Variants in CAPRIN2 observed in about 807,000 individuals in gnomAD.
CAPRIN2 encodes caprin-2.
Under a neutral mutation model 130.4 loss-of-function variants are expected in CAPRIN2, and 66 were observed. The ratio of observed to expected loss-of-function variants is 0.51; its 90% confidence interval spans 0.42 to 0.62. The LOEUF is 0.62. CAPRIN2 is among the 20% of genes least tolerant of loss of function. The pLI is 0.00. For synonymous variants in CAPRIN2, 471 were observed against 444.1 expected (o/e 1.06, Z -0.76); for missense variants, 1,185 against 1,246.6 (o/e 0.95, Z 0.74).
intron 11 of CAPRIN2, 118 bp downstream of exon 12, chr12:30,723,141 T>TAGAA (rs1565587348): frequency 1.4e-6 from 1 of 723,508 alleles, no homozygotes; most frequent in Non-Finnish European, 2.4e-6. Flanking sequence ...TAGATATGCT[T>TAGAA]AGAACACTTT....
At chr12:30,732,381 A>G (rs1706638655) in intron 5 of CAPRIN2, among the ~76,000 whole-genome samples, 1 of 151,988 alleles carries the variant, frequency 6.6e-6, no homozygotes, top group Non-Finnish European at 1.5e-5. Context: ...GAGTACTATG[A>G]CAGATTTTGT....
chr12:30,727,447 G>A (rs1368819750), intron 8 of CAPRIN2, among the ~76,000 whole-genome samples: 1 of 152,110 alleles, frequency 6.6e-6, no homozygotes, highest in African/African-American at 2.4e-5. Context: ...TATATTAGAG[G>A]TCCAATGGTT....
At chr12:30,714,433 T>C (rs1423128123) in intron 14 of CAPRIN2, among the ~76,000 whole-genome samples, 2 of 152,206 alleles carry the variant, frequency 1.3e-5, no homozygotes, top group African/African-American at 4.8e-5. Flanking sequence ...TCCTCCTATT[T>C]TGGCATCCCA....
chr12:30,716,908 T>C (rs576282758), intron 12 of CAPRIN2, among the ~76,000 whole-genome samples: 1 of 152,300 alleles, frequency 6.6e-6, no homozygotes, highest in South Asian at 2.1e-4. Context: ...TTTATACCCA[T>C]TAGCAGGGCT....
In CAPRIN2 at chr12:30,710,327, C is replaced by T; in HGVS notation, c.2809G>A (p.Val937Ile). The stretch of plus-strand genomic sequence containing the variant: ...TGCTGAGGCAGAGGGTAGACGTGTA[C>T]TGGCAGTATGGTGGCTGCTGGATTT... The change falls in exon 17 of 17, where the codon GTA (valine) becomes ATA (isoleucine). Residue 937 changes from valine (V) to isoleucine (I), a missense_variant. By Grantham distance (29) the Val-to-Ile change is conservative (BLOSUM62 3). Transcript: ENST00000298892. This position sits in a 1 kb window ranked among gnomAD's most constrained non-coding sequence, Gnocchi z 4.8. 2 of 1,614,142 alleles carry T rather than the reference C, an allele frequency of 1.2e-6. No homozygotes were observed. Among genetic ancestry groups the T allele is most frequent in the Non-Finnish European group, 1.7e-6 (2 of 1,180,042 alleles).
At position 30,710,901 on chromosome 12, in the gene CAPRIN2, C is replaced by A. The variant is rs2054189326; in HGVS notation, c.2666-431G>T. Among the ~76,000 whole-genome samples, 1 of 152,180 alleles carries A rather than the reference C, an allele frequency of 6.6e-6. No individual in the cohort carries two copies. The highest frequency in any genetic ancestry group is 6.5e-5 in the Admixed American group (1 of 15,278). On this transcript the variant is annotated intron_variant, in intron 16 of 16. Coordinates refer to ENST00000298892, the Ensembl canonical transcript of CAPRIN2. This position sits in a 1 kb window ranked among gnomAD's most constrained non-coding sequence, Gnocchi z 4.8. ...ATTTTTAGAACTACTAGCCACTAGC[C>A]ATTCAGAGATATATTGATATGGAAC...
intron 15 of CAPRIN2, among the ~76,000 whole-genome samples, chr12:30,712,767 G>C (rs1376451095): frequency 1.7e-5 from 2 of 117,542 alleles, no homozygotes; most frequent in Non-Finnish European, 3.3e-5. Flanking sequence ...TTGAGACAGA[G>C]TCTCGCTCTT....
chr12:30,709,643 T>C (rs1292177073), exon 17 of CAPRIN2: 1 of 364,846 alleles, frequency 2.7e-6, no homozygotes, highest in African/African-American at 2.0e-5. Flanking sequence ...GTTAATACAG[T>C]TAAGGATTAA....
At chr12:30,721,373 C>T (rs1438386445) in intron 11 of CAPRIN2, among the ~76,000 whole-genome samples, 1 of 152,138 alleles carries the variant, frequency 6.6e-6, no homozygotes, top group Non-Finnish European at 1.5e-5. Flanking sequence ...TGCTTTCATG[C>T]TAAGTGCTAT....
chr12:30,723,167 G>T, intron 11 of CAPRIN2, 92 bp downstream of exon 12: 2 of 854,144 alleles, frequency 2.3e-6, no homozygotes. Flanking sequence ...ATTTCATTAG[G>T]TACATGAGAA....
chr12:30,710,240 G>A lies in CAPRIN2; in HGVS notation c.2896C>T (p.Pro966Ser). The change falls in exon 17 of 17, where the codon CCT (proline) becomes TCT (serine). Residue 966 changes from proline to serine, a missense_variant. By Grantham distance (74) the Pro-to-Ser change is moderately conservative (BLOSUM62 -1). Around this residue, in one of 2 missense-constraint regions of CAPRIN2, gnomAD observed 81 missense variants for 142.2 expected, o/e 0.57. Coordinates refer to ENST00000298892, the Ensembl canonical transcript of CAPRIN2. The surrounding 1 kb of genome is among the most constrained non-coding windows in gnomAD (Gnocchi z 4.8). ...TTCAGAAGAAGATCAAACACAATAGGTTGGTCTAAAGTTCCAGGGGCCAGA... is the reference window on the plus strand; with the variant it reads ...TTCAGAAGAAGATCAAACACAATAGATTGGTCTAAAGTTCCAGGGGCCAGA... The A allele has an allele frequency of 6.2e-7, 1 of 1,614,172 alleles. No homozygotes were observed. The highest frequency in any genetic ancestry group is 8.5e-7 in the Non-Finnish European group (1 of 1,180,034).
At position 30,710,542 on chromosome 12, in the gene CAPRIN2, G is replaced by A. The variant is rs2053972811; in HGVS notation, c.2666-72C>T. 3.8e-6 allele frequency: 6 copies of A among 1,591,062 alleles called. No individual in the cohort carries two copies. The highest frequency in any genetic ancestry group is 2.7e-5 in the African/African-American group (2 of 74,382). On this transcript the variant is annotated intron_variant, in intron 16 of 16. Transcript: ENST00000298892. The surrounding 1 kb of genome is among the most constrained non-coding windows in gnomAD (Gnocchi z 4.8). ...TTGAACACAATATTTAACATTAGTC[G>A]GCTACTGAAACAGACAAAGATACAT...
At chr12:30,717,411 A>G (rs2057978876) in intron 12 of CAPRIN2, among the ~76,000 whole-genome samples, 1 of 152,184 alleles carries the variant, frequency 6.6e-6, no homozygotes, top group Admixed American at 6.6e-5. Context: ...AGGTTAGCAG[A>G]GCTGTGGAGG....
rs377678483 is a variant in CAPRIN2 at position 30,715,108 on chromosome 12, C to T, written c.2351G>A (p.Ser784Asn). 8.7e-5 allele frequency: 140 copies of T among 1,613,880 alleles called. No homozygotes were observed. Among genetic ancestry groups the T allele is most frequent in the Non-Finnish European group, 1.2e-4 (138 of 1,179,932 alleles). Residue 784 changes from serine to asparagine, a missense_variant, in exon 14 of 17, where the codon AGC becomes AAC. Ser to Asn is a conservative substitution (Grantham distance 46, BLOSUM62 1). Transcript: ENST00000298892. Reference sequence around the variant, plus strand: ...TGGGTAAAAGGCAAGGCTACCATTGCTTACTTGAATAGTTCCATCAGGATG... The same window carrying T: ...TGGGTAAAAGGCAAGGCTACCATTGTTTACTTGAATAGTTCCATCAGGATG...
At chr12:30,754,394 C>A (rs1472560168) in exon 1 of CAPRIN2, 2 of 152,772 alleles carry the variant, frequency 1.3e-5, no homozygotes, top group African/African-American at 4.8e-5. Context: ...TTAGGAGCAT[C>A]CCCAAACCAA....
At chr12:30,732,370 G>A (rs1366504429) in intron 5 of CAPRIN2, among the ~76,000 whole-genome samples, 1 of 151,528 alleles carries the variant, frequency 6.6e-6, no homozygotes, top group Non-Finnish European at 1.5e-5. Context: ...TCCTTTCATA[G>A]GAGTACTATG....
chr12:30,709,727 A>T, exon 17 of CAPRIN2: 1 of 627,330 alleles, frequency 1.6e-6, no homozygotes, highest in Non-Finnish European at 2.7e-6. Context: ...ATTAGTGCTA[A>T]TTGTCATTCA....
chr12:30,730,398 T>A, intron 6 of CAPRIN2, 116 bp from the exon 8 acceptor site: 1 of 740,108 alleles, frequency 1.4e-6, no homozygotes, highest in Non-Finnish European at 2.3e-6. Flanking sequence ...AGAAAAAGGG[T>A]AATATAATCA....
At chr12:30,725,164 G>A (rs1351337092) in intron 9 of CAPRIN2, among the ~76,000 whole-genome samples, 3 of 152,048 alleles carry the variant, frequency 2.0e-5, no homozygotes, top group Non-Finnish European at 2.9e-5. Context: ...CCATTTACTA[G>A]CTCATGCTGT....
Sources: allele counts gnomAD v4.1 joint callset (sites outside exome capture counted in the v4.1 genomes callset), GRCh38; gene constraint gnomAD v4.1.1; regional missense constraint gnomAD v4.1.1; non-coding constraint Gnocchi (gnomAD v3.1); transcripts MANE v1.5; gene names NCBI Gene and HGNC (gene_info 2026-07-23, HGNC 2026-07-21).